The following P3H2 variants were observed in gnomAD, a reference collection of about 807,000 sequenced individuals.
P3H2 encodes prolyl 3-hydroxylase 2.
P3H2 carries 80 observed loss-of-function variants against 87.0 expected under a neutral mutation model. The ratio of observed to expected loss-of-function variants is 0.92; its 90% CI spans 0.77 to 1.11. P3H2 has a LOEUF of 1.11. Ranked by LOEUF, P3H2 falls within the 50% of genes least tolerant of loss-of-function variation. The pLI, the probability that P3H2 is intolerant of heterozygous loss-of-function variation, is 0.00. For missense variants in P3H2, 1,001 were observed against 923.9 expected, an observed-to-expected ratio of 1.08 and a Z score of -1.08; for synonymous variants, 367 against 359.3, an observed-to-expected ratio of 1.02 and a Z score of -0.24.
chr3:190,073,741 T>C (rs779595240), intron 1 of P3H2, among the ~76,000 whole-genome samples: 1 of 152,196 alleles, frequency 6.6e-6, no homozygotes, highest in Non-Finnish European at 1.5e-5. Flanking sequence ...AATAAATGTA[T>C]GCTTTTAAAA....
At position 189,971,917 on chromosome 3, in the gene P3H2, G is replaced by T. The variant is rs185084775; in HGVS notation, c.1790C>A (p.Pro597His). Reference sequence around the variant, plus strand: ...ATAGTCTCGAAATGTGTAAGCAGGAGGCTCCTTCCAGCATTCGTTGGCCTC... The same window carrying T: ...ATAGTCTCGAAATGTGTAAGCAGGATGCTCCTTCCAGCATTCGTTGGCCTC... ...DPEANECWKE[P>H]PAYTFRDYSA... is the part of the protein sequence containing the mutation. The change falls in exon 12 of 15, where the codon CCT becomes CAT. Residue 597 changes from proline to histidine, a missense_variant. Transcript: ENST00000319332. 4 of 1,609,598 alleles carry T rather than the reference G, an allele frequency of 2.5e-6. No individual in the cohort carries two copies. Among genetic ancestry groups the T allele is most frequent in the Non-Finnish European group, 3.4e-6 (4 of 1,175,854 alleles).
chr3:189,968,939 GTTGT>G (rs368980806), intron 13 of P3H2: 2,563 of 171,066 alleles, frequency 0.015, 40 homozygotes, highest in African/African-American at 0.033. Flanking sequence ...TTTTGATGGG[GTTGT>G]TTGTTTGTTT....
At chr3:190,003,691 C>T (rs1160731581) in intron 1 of P3H2, among the ~76,000 whole-genome samples, 11 of 152,180 alleles carry the variant, frequency 7.2e-5, no homozygotes, top group Admixed American at 6.5e-5. Context: ...TGCCTCGGGT[C>T]GAATGAAGTT....
At chr3:189,966,105 A>AG (rs1553871047) in intron 13 of P3H2, among the ~76,000 whole-genome samples, 77 of 91,148 alleles carry the variant, frequency 8.4e-4, no homozygotes, top group East Asian at 4.9e-3. Flanking sequence ...AAAGAAAGAA[A>AG]AAAGAAAGAA....
At chr3:189,971,847 C>T in intron 12 of P3H2, 43 bp downstream of exon 12, 1 of 1,185,400 alleles carries the variant, frequency 8.4e-7, no homozygotes, top group East Asian at 2.3e-5. Flanking sequence ...TGCTTGAAAA[C>T]TGTTAGGTAA....
At chr3:190,105,656 T>C (rs1299162052) in intron 1 of P3H2, among the ~76,000 whole-genome samples, 4 of 152,248 alleles carry the variant, frequency 2.6e-5, no homozygotes, top group Non-Finnish European at 5.9e-5. Flanking sequence ...AACTAATTTA[T>C]GTCCATTGCA....
chr3:190,089,374 AAG>A (rs1017675056), intron 1 of P3H2, among the ~76,000 whole-genome samples: 10 of 152,378 alleles, frequency 6.6e-5, no homozygotes, highest in Admixed American at 5.2e-4. Flanking sequence ...ATAATAAAAA[AAG>A]AGAAAGAAAA....
intron 4 of P3H2, 72 bp downstream of exon 4, chr3:189,988,835 T>C: frequency 6.3e-7 from 1 of 1,579,464 alleles, no homozygotes; most frequent in Non-Finnish European, 8.7e-7. Context: ...AAAACTCAAT[T>C]ACAAAAATGT....
intron 1 of P3H2, among the ~76,000 whole-genome samples, chr3:190,096,005 A>G (rs13092665): frequency 1.3e-5 from 2 of 152,120 alleles, no homozygotes; most frequent in African/African-American, 4.8e-5. Context: ...AATGTAAACC[A>G]TCTCTTTTGA....
intron 1 of P3H2, among the ~76,000 whole-genome samples, chr3:190,099,120 TA>T (rs1313598498): frequency 6.6e-6 from 1 of 152,186 alleles, no homozygotes; most frequent in Non-Finnish European, 1.5e-5. Context: ...AAAAGTAATT[TA>T]ACTAATAAAA....
intron 1 of P3H2, among the ~76,000 whole-genome samples, chr3:190,098,158 T>G (rs1049556236): frequency 1.3e-5 from 2 of 152,248 alleles, no homozygotes; most frequent in African/African-American, 4.8e-5. Flanking sequence ...TTGTATACAC[T>G]ACATTTGTAT....
At chr3:190,057,759 C>T (rs1008925555) in intron 1 of P3H2, among the ~76,000 whole-genome samples, 6 of 152,020 alleles carry the variant, frequency 3.9e-5, no homozygotes, top group Non-Finnish European at 8.8e-5. Flanking sequence ...ACTTTGGCTA[C>T]TAAGAGCATT....
intron 1 of P3H2, among the ~76,000 whole-genome samples, chr3:190,057,268 T>G (rs963909665): frequency 1.3e-5 from 2 of 152,176 alleles, no homozygotes; most frequent in Non-Finnish European, 2.9e-5. Flanking sequence ...AATCTCAAAC[T>G]AGATCAGACC....
In P3H2 at chr3:189,986,438, A is replaced by T. The variant is rs537080775; in HGVS notation, c.1188+350T>A. 6.4e-3 allele frequency among the ~76,000 whole-genome samples: 977 copies of T among 152,228 alleles called. 11 individuals are homozygous for T. The highest frequency in any genetic ancestry group is 0.023 in the African/African-American group (946 of 41,518). ...CATCTCTACTAAAAATACAAAAAAA[A>T]ATTAGCTGGGCATTGTGGCGTGTGC... On this transcript the variant is annotated intron_variant, in intron 6 of 14. Coordinates refer to ENST00000319332, the MANE Select transcript of P3H2 (RefSeq NM_018192.4).
intron 1 of P3H2, among the ~76,000 whole-genome samples, chr3:190,079,479 A>G (rs1726977463): frequency 1.3e-5 from 2 of 152,246 alleles, no homozygotes; most frequent in Admixed American, 1.3e-4. Context: ...GATGAATGAT[A>G]CATCAATTTA....
intron 1 of P3H2, among the ~76,000 whole-genome samples, chr3:190,059,387 C>CA (rs1295820301): frequency 1.3e-5 from 2 of 151,880 alleles, no homozygotes; most frequent in Admixed American, 6.6e-5. Flanking sequence ...CGAGAGGTAT[C>CA]AAAAGCACAG....
In P3H2 at chr3:189,995,307, C is replaced by A; in HGVS notation, c.616G>T (p.Glu206Ter). The change falls in exon 2 of 15, where the codon GAA becomes TAA. Residue 206 changes from glutamate (E) to a stop codon, truncating the protein, a stop_gained. Coordinates refer to ENST00000319332, the MANE Select transcript of P3H2 (RefSeq NM_018192.4). LOFTEE classifies it high-confidence loss of function. ...GAGCTTACCATGTGTGGCTTGGCTT[C>A]TCTGTCTACCAACTGCAATGCTTCA... ...GVEALQLVDR[E>*]AKPHMESYNA... is the part of the protein sequence containing the mutation. 1 of 1,614,104 alleles carries A rather than the reference C, an allele frequency of 6.2e-7. No homozygotes were observed. The highest frequency in any genetic ancestry group is 8.5e-7 in the Non-Finnish European group (1 of 1,180,020).
chr3:190,009,552 A>G (rs924008319), intron 1 of P3H2, among the ~76,000 whole-genome samples: 1 of 152,198 alleles, frequency 6.6e-6, no homozygotes, highest in African/African-American at 2.4e-5. Context: ...ATAAGGTACT[A>G]CACTTCCACA....
At chr3:189,987,968 A>G (rs915818420) in intron 4 of P3H2, among the ~76,000 whole-genome samples, 5 of 152,240 alleles carry the variant, frequency 3.3e-5, no homozygotes, top group African/African-American at 1.2e-4. Context: ...TAAACAGCAG[A>G]ATTCTATGAG....
Sources: allele counts gnomAD v4.1 joint callset (sites outside exome capture counted in the v4.1 genomes callset), GRCh38; gene constraint gnomAD v4.1.1; transcripts MANE v1.5; gene names NCBI Gene and HGNC (gene_info 2026-07-23, HGNC 2026-07-21).